The following TMTC2 variants were observed in gnomAD, a reference collection of about 807,000 sequenced individuals.
The protein encoded by TMTC2 is transmembrane O-mannosyltransferase targeting cadherins 2, also known as protein O-mannosyl-transferase TMTC2.
TMTC2 carries 43 observed loss-of-function variants against 82.4 expected under a neutral mutation model. The observed-to-expected ratio is 0.52, with a 90% CI of 0.41 to 0.67. The LOEUF is 0.67. Ranked by LOEUF, TMTC2 falls within the 30% of genes least tolerant of loss-of-function variation. The pLI, the probability that TMTC2 is intolerant of heterozygous loss-of-function variation, is 0.00. For missense variants in TMTC2, 919 were observed against 1,012.4 expected, an observed-to-expected ratio of 0.91 and a Z score of 1.25; for synonymous variants, 408 against 381.9, an observed-to-expected ratio of 1.07 and a Z score of -0.80.
At position 82,773,187 on chromosome 12, in the gene TMTC2, A is replaced by G. The variant is rs571730366; in HGVS notation, c.84-83823A>G. ...TCACTGTTATTCCTGAGTTAGTTAT[A>G]TTGGTTGTCACCAGTGACTACAGCT... On this transcript the variant is annotated intron_variant, in intron 1 of 11. Transcript: ENST00000321196. Among the ~76,000 whole-genome samples the G allele has an allele frequency of 4.6e-5, 7 of 152,230 alleles. No individual in the cohort carries two copies. In the South Asian group the frequency reaches 1.5e-3, roughly 32 times the overall value.
At chr12:82,971,998 T>C (rs1235414972) in intron 7 of TMTC2, among the ~76,000 whole-genome samples, 2 of 152,184 alleles carry the variant, frequency 1.3e-5, no homozygotes, top group Non-Finnish European at 2.9e-5. Flanking sequence ...ACTATTACTC[T>C]AACCTTGAAA....
At chr12:82,876,787 G>A (rs1200246367) in intron 2 of TMTC2, among the ~76,000 whole-genome samples, 1 of 151,976 alleles carries the variant, frequency 6.6e-6, no homozygotes, top group Non-Finnish European at 1.5e-5. Flanking sequence ...GGCTCTATGA[G>A]GCAGTATAAT....
At chr12:82,809,748 C>T (rs1285533971) in intron 1 of TMTC2, among the ~76,000 whole-genome samples, 1 of 151,980 alleles carries the variant, frequency 6.6e-6, no homozygotes, top group African/African-American at 2.4e-5. Context: ...AGTTTTGGGA[C>T]TAGAGTGTGA....
intron 1 of TMTC2, among the ~76,000 whole-genome samples, chr12:82,824,039 G>A (rs946451075): frequency 2.6e-5 from 4 of 151,904 alleles, no homozygotes; most frequent in South Asian, 2.1e-4. Flanking sequence ...AATTGCAGGC[G>A]TCCACCACCA....
chr12:82,970,498 AT>A (rs371208600), intron 7 of TMTC2, among the ~76,000 whole-genome samples: 5,987 of 140,218 alleles, frequency 0.043, 335 homozygotes, highest in African/African-American at 0.074. Context: ...CGCCCGGCTA[AT>A]TTTTTTTGTA....
At chr12:82,719,892 A>T (rs1874121789) in intron 1 of TMTC2, among the ~76,000 whole-genome samples, 1 of 152,166 alleles carries the variant, frequency 6.6e-6, no homozygotes, top group Non-Finnish European at 1.5e-5. Flanking sequence ...CAAATAGTAC[A>T]GGCTAGGCAA....
chr12:82,987,022 AAGGTG>A (rs1455860765), intron 8 of TMTC2, among the ~76,000 whole-genome samples: 2 of 152,324 alleles, frequency 1.3e-5, no homozygotes, highest in Admixed American at 1.3e-4. Flanking sequence ...AATGATCAGG[AAGGTG>A]ATTCCTAAGT....
intron 3 of TMTC2, among the ~76,000 whole-genome samples, chr12:82,926,886 T>G (rs2137237354): frequency 6.6e-6 from 1 of 152,358 alleles, no homozygotes; most frequent in Middle Eastern, 3.4e-3. Flanking sequence ...AAGCTTAATG[T>G]TGAGTCCTAC....
At chr12:82,963,834 T>TC (rs1355728001) in intron 4 of TMTC2, among the ~76,000 whole-genome samples, 3 of 104,234 alleles carry the variant, frequency 2.9e-5, no homozygotes, top group Non-Finnish European at 5.4e-5. Flanking sequence ...TATATATATA[T>TC]ATATATATAT....
intron 1 of TMTC2, among the ~76,000 whole-genome samples, chr12:82,721,527 G>C (rs1874205147): frequency 6.6e-6 from 1 of 152,130 alleles, no homozygotes; most frequent in Non-Finnish European, 1.5e-5. Flanking sequence ...AATAGGAACT[G>C]TGTCTCCCAT....
chr12:82,830,614 C>A (rs540571933), intron 1 of TMTC2, among the ~76,000 whole-genome samples: 1 of 152,038 alleles, frequency 6.6e-6, no homozygotes, highest in South Asian at 2.1e-4. Context: ...AATTGTTTTT[C>A]TGTTTAGTGT....
chr12:82,961,256 T>TTCTA (rs142444250), intron 4 of TMTC2, among the ~76,000 whole-genome samples: 126,657 of 149,640 alleles, frequency 0.85, 55,015 homozygotes, highest in East Asian at 1. Context: ...CATGAAGGAT[T>TTCTA]TCTGTTTATC....
intron 1 of TMTC2, among the ~76,000 whole-genome samples, chr12:82,732,618 C>T (rs968790637): frequency 2.6e-5 from 4 of 152,162 alleles, no homozygotes; most frequent in African/African-American, 9.7e-5. Context: ...GCTGGGATTA[C>T]AGGCATGAGC....
At chr12:82,908,269 C>G (rs1196669943) in intron 3 of TMTC2, among the ~76,000 whole-genome samples, 1 of 151,910 alleles carries the variant, frequency 6.6e-6, no homozygotes, top group Non-Finnish European at 1.5e-5. Flanking sequence ...AGGAATATTA[C>G]CAGTGTCTTT....
At chr12:83,092,047 A>G (rs919005584) in intron 11 of TMTC2, among the ~76,000 whole-genome samples, 6 of 152,346 alleles carry the variant, frequency 3.9e-5, no homozygotes, top group Admixed American at 2.6e-4. Flanking sequence ...CAATGTGTAC[A>G]TATCATTTTT....
At chr12:82,869,778 G>T (rs559985682) in intron 2 of TMTC2, among the ~76,000 whole-genome samples, 1 of 151,606 alleles carries the variant, frequency 6.6e-6, no homozygotes, top group African/African-American at 2.4e-5. Context: ...AGTGGAGGCC[G>T]CAGTGAGCCA....
intron 1 of TMTC2, among the ~76,000 whole-genome samples, chr12:82,710,661 G>A (rs574595213): frequency 5.6e-4 from 86 of 152,298 alleles, no homozygotes; most frequent in African/African-American, 1.7e-3. Context: ...TGAGAAAATG[G>A]GGTAAATATT....
intron 1 of TMTC2, among the ~76,000 whole-genome samples, chr12:82,718,978 C>T (rs1377384872): frequency 4.2e-5 from 6 of 144,034 alleles, no homozygotes; most frequent in Non-Finnish European, 8.9e-5. Flanking sequence ...TGAAGCAGTA[C>T]TTTTCCCTTT....
At chr12:82,876,058 TGGTGGTGGTGATGATGATGATGGTG>T (rs1862329939) in intron 2 of TMTC2, among the ~76,000 whole-genome samples, 1 of 112,280 alleles carries the variant, frequency 8.9e-6, no homozygotes, top group African/African-American at 3.2e-5. Flanking sequence ...GTGGTGGTGG[TGGTGGTGGTGATGATGATGATGGTG>T]ATTAGTATTC....
Sources: allele counts gnomAD v4.1 joint callset (sites outside exome capture counted in the v4.1 genomes callset), GRCh38; gene constraint gnomAD v4.1.1; transcripts MANE v1.5; gene names NCBI Gene and HGNC (gene_info 2026-07-23, HGNC 2026-07-21).